CNTN6: variants seen among roughly 807,000 people sequenced by gnomAD.
CNTN6 encodes contactin-6.
CNTN6 carries 137 observed loss-of-function variants against 122.8 expected under a neutral mutation model. That is an observed-to-expected ratio of 1.12 (90% CI 0.97 to 1.29). CNTN6 has a LOEUF of 1.29. Among genes scored for constraint, CNTN6 ranks in the 50% most tolerant of loss-of-function variants. The probability of loss-of-function intolerance (pLI) is 0.00; values close to 1 mark genes in which losing one functional copy is unlikely to be tolerated. For missense variants in CNTN6, 1,634 were observed against 1,223.4 expected (o/e 1.34, Z -5.01); for synonymous variants, 570 against 426.0 (o/e 1.34, Z -4.16).
At chr3:1,270,442 T>C (rs1482873836) in intron 4 of CNTN6, among the ~76,000 whole-genome samples, 4 of 152,234 alleles carry the variant, frequency 2.6e-5, no homozygotes, top group African/African-American at 9.6e-5. Context: ...GTGAGACTTA[T>C]GCAGATTTGG....
intron 20 of CNTN6, among the ~76,000 whole-genome samples, chr3:1,394,722 T>C (rs1300394004): frequency 1.3e-5 from 2 of 152,224 alleles, no homozygotes; most frequent in Non-Finnish European, 2.9e-5. Context: ...AACAAATCCT[T>C]GTTTTTGACA....
At chr3:1,294,400 C>G (rs1695842854) in intron 5 of CNTN6, among the ~76,000 whole-genome samples, 1 of 151,964 alleles carries the variant, frequency 6.6e-6, no homozygotes, top group Non-Finnish European at 1.5e-5. Flanking sequence ...CAGAAATAAT[C>G]TATGATGATA....
chr3:1,156,891 A>G (rs2092982348), intron 2 of CNTN6, among the ~76,000 whole-genome samples: 1 of 151,662 alleles, frequency 6.6e-6, no homozygotes, highest in African/African-American at 2.4e-5. Flanking sequence ...CTAATTTTTT[A>G]TTTTTTGTAG....
intron 20 of CNTN6, 28 bp downstream of exon 20, chr3:1,385,825 A>C: frequency 6.4e-7 from 1 of 1,565,042 alleles, no homozygotes; most frequent in Admixed American, 1.9e-5. Flanking sequence ...CCAGGAAACA[A>C]GATTCATCTG....
In CNTN6 at chr3:1,372,379, C is replaced by T. The variant is rs1709161243; in HGVS notation, c.1573C>T (p.His525Tyr). The change falls in exon 13 of 23, where the codon CAT becomes TAT. Residue 525 changes from histidine to tyrosine, a missense_variant. Transcript: ENST00000446702. ...ESIVLPCQVS[H>Y]DPSIEVVFVW... ...TATAGTGCTACCATGCCAGGTGTCC[C>T]ATGACCCCTCCATTGAAGTGGTATT... The T allele has an allele frequency of 6.2e-7, 1 of 1,612,976 alleles. No homozygotes were observed. Among genetic ancestry groups the T allele is most frequent in the Non-Finnish European group, 8.5e-7 (1 of 1,179,178 alleles).
At chr3:1,177,146 T>C (rs779878726) in intron 2 of CNTN6, among the ~76,000 whole-genome samples, 1 of 152,170 alleles carries the variant, frequency 6.6e-6, no homozygotes, top group Non-Finnish European at 1.5e-5. Context: ...GTCAACGTGA[T>C]AAAAGTAAAA....
intron 7 of CNTN6, among the ~76,000 whole-genome samples, chr3:1,313,539 G>A (rs1177944112): frequency 6.6e-6 from 1 of 152,040 alleles, no homozygotes; most frequent in East Asian, 1.9e-4. Context: ...CTGAGTCTCA[G>A]AGAGGTTAGG....
At chr3:1,185,316 A>G (rs2093613182) in intron 2 of CNTN6, among the ~76,000 whole-genome samples, 1 of 152,096 alleles carries the variant, frequency 6.6e-6, no homozygotes, top group Admixed American at 6.6e-5. Flanking sequence ...TATTTCTTCC[A>G]CAGTGAAATT....
At chr3:1,135,095 T>C (rs2125114868) in intron 1 of CNTN6, among the ~76,000 whole-genome samples, 1 of 152,320 alleles carries the variant, frequency 6.6e-6, no homozygotes, top group Middle Eastern at 3.4e-3. Flanking sequence ...CAACGAAGTA[T>C]TGCCTGATTT....
chr3:1,130,778 A>T (rs2092315843), intron 1 of CNTN6, among the ~76,000 whole-genome samples: 4 of 152,130 alleles, frequency 2.6e-5, no homozygotes, highest in Admixed American at 2.6e-4. Flanking sequence ...AAATGTGCAC[A>T]TATGCAGACA....
At chr3:1,381,474 T>C (rs896247858) in intron 17 of CNTN6, among the ~76,000 whole-genome samples, 8 of 152,014 alleles carry the variant, frequency 5.3e-5, no homozygotes, top group African/African-American at 1.9e-4. Context: ...TGGGAAGTAA[T>C]GAGGACAGGA....
chr3:1,230,177 A>G (rs1005352956), intron 4 of CNTN6, among the ~76,000 whole-genome samples: 4 of 152,244 alleles, frequency 2.6e-5, no homozygotes, highest in African/African-American at 9.6e-5. Flanking sequence ...GGCCTTTGGT[A>G]GGATAACCAC....
chr3:1,372,742 G>A (rs1386810236), intron 13 of CNTN6, 96 bp from the exon 14 acceptor site: 1 of 765,594 alleles, frequency 1.3e-6, no homozygotes, highest in Non-Finnish European at 2.1e-6. Context: ...TAATTTCAGA[G>A]TTGTTTTATG....
chr3:1,378,650 C>T (rs990983891), intron 17 of CNTN6, among the ~76,000 whole-genome samples: 7 of 152,088 alleles, frequency 4.6e-5, no homozygotes, highest in Non-Finnish European at 8.8e-5. Context: ...TTTCAGGTGC[C>T]ACACAGAGCA....
intron 7 of CNTN6, among the ~76,000 whole-genome samples, chr3:1,312,708 A>G (rs931562783): frequency 2.6e-5 from 4 of 151,892 alleles, no homozygotes; most frequent in Admixed American, 2.6e-4. Context: ...ATACACCCTA[A>G]TAAGGTTTGC....
rs1049931013 is a variant in CNTN6 at position 1,093,820 on chromosome 3, T to G, written c.-83+700T>G. On this transcript the variant is annotated intron_variant, in intron 1 of 22. Transcript: ENST00000446702. Reference sequence around the variant, plus strand: ...AGTTGATGACTTGGGAACAAAACTTTTAAGAGCTCTGAGATTAGCCACGTA... The same window carrying G: ...AGTTGATGACTTGGGAACAAAACTTGTAAGAGCTCTGAGATTAGCCACGTA... 4.6e-5 allele frequency among the ~76,000 whole-genome samples: 7 copies of G among 152,202 alleles called. No homozygotes were observed. In the East Asian group the frequency reaches 1.3e-3, roughly 29 times the overall value.
intron 1 of CNTN6, among the ~76,000 whole-genome samples, chr3:1,104,124 T>C (rs1262145489): frequency 6.6e-6 from 1 of 152,108 alleles, no homozygotes; most frequent in African/African-American, 2.4e-5. Flanking sequence ...AATTCACATC[T>C]GATGCGTATT....
intron 1 of CNTN6, among the ~76,000 whole-genome samples, chr3:1,112,764 G>T (rs980560624): frequency 6.6e-6 from 1 of 152,016 alleles, no homozygotes; most frequent in Non-Finnish European, 1.5e-5. Flanking sequence ...AACCATCACA[G>T]ACACAACGTG....
chr3:1,394,209 T>C, intron 20 of CNTN6: 1 of 236,884 alleles, frequency 4.2e-6, no homozygotes, highest in Non-Finnish European at 8.4e-6. Context: ...CTGCCTCATC[T>C]CCGGAAGCTT....
Sources: gnomAD v4.1 joint callset for allele counts (sites outside exome capture counted in the v4.1 genomes callset) on GRCh38, gnomAD v4.1.1 for gene constraint, MANE v1.5 for transcripts, NCBI Gene and HGNC (gene_info 2026-07-23, HGNC 2026-07-21) for gene names.